UVSSA: variants seen among roughly 807,000 people sequenced by gnomAD.
The protein encoded by UVSSA is UV stimulated scaffold protein A, also known as UV-stimulated scaffold protein A.
UVSSA carries 72 observed loss-of-function variants against 73.9 expected under a neutral mutation model. That is an observed-to-expected ratio of 0.97 (90% confidence interval 0.81 to 1.19). The LOEUF is 1.19. Ranked by LOEUF, UVSSA falls within the 50% of genes most tolerant of loss-of-function variation. The pLI, the probability that UVSSA is intolerant of heterozygous loss-of-function variation, is 0.00. For synonymous variants in UVSSA, 454 were observed against 391.3 expected, an observed-to-expected ratio of 1.16 and a Z score of -1.89; for missense variants, 1,150 against 965.0, an observed-to-expected ratio of 1.19 and a Z score of -2.54.
At chr4:1,374,158 C>G (rs898056969) in intron 8 of UVSSA, among the ~76,000 whole-genome samples, 6 of 152,206 alleles carry the variant, frequency 3.9e-5, no homozygotes, top group Admixed American at 1.3e-4. Context: ...TCCCTGCGGT[C>G]CAGGTTCTTC....
intron 4 of UVSSA, among the ~76,000 whole-genome samples, chr4:1,352,185 C>T (rs891599924): frequency 6.6e-6 from 1 of 152,228 alleles, no homozygotes; most frequent in Non-Finnish European, 1.5e-5. Flanking sequence ...CTTGCCAGCC[C>T]CTTCCCCAAA....
chr4:1,380,574 TCCCA>T, intron 11 of UVSSA: 1 of 1,358,000 alleles, frequency 7.4e-7, no homozygotes, highest in Non-Finnish European at 9.8e-7. Context: ...CCAGGGCAGC[TCCCA>T]GCCGGGCAGC....
chr4:1,395,793 T>G, exon 14 of UVSSA: 1 of 1,614,252 alleles, frequency 6.2e-7, no homozygotes, highest in South Asian at 1.1e-5. Flanking sequence ...TGGTGGCTTT[T>G]TAATACGTTT....
At chr4:1,373,527 A>G (rs897019912) in intron 8 of UVSSA, among the ~76,000 whole-genome samples, 19 of 152,088 alleles carry the variant, frequency 1.2e-4, no homozygotes, top group Admixed American at 8.5e-4. Context: ...AATCCAATCA[A>G]GTTGATCCTC....
chr4:1,385,642 C>T (rs980850845), intron 13 of UVSSA: 35 of 575,848 alleles, frequency 6.1e-5, no homozygotes, highest in South Asian at 1.4e-4. Flanking sequence ...CCGCAGACTC[C>T]GCTTCTGGGA....
rs1172233657 is a variant in UVSSA at position 1,353,280 on chromosome 4, CG to C, written c.803del (p.Gly268AlafsTer47). On this transcript the variant is annotated frameshift_variant, in exon 5 of 14. Transcript: ENST00000389851. LOFTEE classifies it high-confidence loss of function. Reference protein sequence around the residue: ...PASAGHPRAGGGAQPSQTATG... With the variant: ...PASAGHPRAGXGAQPSQTATG... ...CCTCTGCAGGCCACCCCAGAGCGGG[CG>C]GCGGGGCACAGCCATCCCAGACAGC... 3 of 1,610,864 alleles carry C rather than the reference CG, an allele frequency of 1.9e-6. No individual in the cohort carries two copies. The highest frequency in any genetic ancestry group is 2.5e-6 in the Non-Finnish European group (3 of 1,179,818).
In UVSSA at chr4:1,376,121, C is replaced by T. The variant is rs370966636; in HGVS notation, c.1521C>T (p.Asp507=). 9.3e-6 allele frequency: 15 copies of T among 1,609,818 alleles called. No individual in the cohort carries two copies. The African/African-American group carries it at 1.9e-4, about 20-fold the overall frequency. Residue 507 remains aspartate, a synonymous_variant, in exon 10 of 14, where the codon GAC becomes GAT. Coordinates refer to ENST00000389851, the MANE Select transcript of UVSSA (RefSeq NM_020894.4). ...CGCCTGTGGTGCCCTACGGCGTGGA[C>T]CTGCACTACTGGGGCCAGGAGCTCC... ...ARAPVVPYGV[D]LHYWGQELPT... is the part of the protein sequence containing the mutation.
intron 2 of UVSSA, 57 bp from the exon 3 acceptor site, chr4:1,349,467 C>G: frequency 1.3e-6 from 2 of 1,543,596 alleles, no homozygotes; most frequent in South Asian, 2.3e-5. Flanking sequence ...CGGAGAGTCT[C>G]CCCCCGCCCA....
intron 11 of UVSSA, chr4:1,380,646 C>T: frequency 6.6e-7 from 1 of 1,525,464 alleles, no homozygotes. Flanking sequence ...CCTAGACTTT[C>T]CACAGCTGCC....
Position 1,395,291 on chromosome 4 carries a change from C to T in UVSSA, c.*9330C>T. On this transcript the variant is annotated 3_prime_UTR_variant, in exon 14 of 14. Transcript: ENST00000511216. ...TCACGTGCCGATGTGGAGTGCCCGC[C>T]TGCTCACACGTGCCCATGTGGAGTG... The T allele has an allele frequency of 2.2e-5, 35 of 1,559,034 alleles. 1 individual carries two copies. The highest frequency in any genetic ancestry group is 3.0e-5 in the Non-Finnish European group (35 of 1,154,096).
chr4:1,379,701 A>G (rs4974614), intron 10 of UVSSA, among the ~76,000 whole-genome samples: 112,753 of 150,444 alleles, frequency 0.75, 43,067 homozygotes, highest in African/African-American at 0.89. Context: ...CCCTTGTCCT[A>G]TAGGGAGAGC....
exon 14 of UVSSA, chr4:1,394,787 G>T: frequency 6.4e-7 from 1 of 1,561,488 alleles, no homozygotes. Flanking sequence ...GTGCCGATGT[G>T]GAGTGCCACC....
intron 8 of UVSSA, among the ~76,000 whole-genome samples, chr4:1,371,104 G>A (rs1043440416): frequency 6.6e-6 from 1 of 152,204 alleles, no homozygotes; most frequent in Non-Finnish European, 1.5e-5. Flanking sequence ...GAAAGCCTGT[G>A]GTGAGCACAT....
chr4:1,385,685 C>T (rs767341606), intron 13 of UVSSA, 183 bp from the exon 14 acceptor site: 13 of 628,938 alleles, frequency 2.1e-5, no homozygotes, highest in Non-Finnish European at 3.1e-5. Context: ...CTGTCTGTCT[C>T]GGGCCAGGGC....
intron 4 of UVSSA, among the ~76,000 whole-genome samples, 171 bp downstream of exon 4, chr4:1,352,006 A>G (rs1174953525): frequency 2.6e-5 from 4 of 152,336 alleles, no homozygotes; most frequent in Admixed American, 6.5e-5. Flanking sequence ...TAGGCCTCCC[A>G]GGCTGTCCAT....
At chr4:1,351,265 C>T (rs752775224) in intron 3 of UVSSA, among the ~76,000 whole-genome samples, 7 of 152,000 alleles carry the variant, frequency 4.6e-5, no homozygotes, top group Non-Finnish European at 1.0e-4. Flanking sequence ...GGGATTTCAC[C>T]GTGTTAGCCA....
intron 3 of UVSSA, among the ~76,000 whole-genome samples, chr4:1,350,922 T>C (rs1317081782): frequency 1.3e-5 from 2 of 152,216 alleles, no homozygotes; most frequent in Non-Finnish European, 2.9e-5. Context: ...GATGTTGTTT[T>C]TGAGACAGGG....
At position 1,348,175 on chromosome 4, in the gene UVSSA, G is replaced by C. The variant is rs1160264567; in HGVS notation, c.84G>C (p.Leu28=). Residue 28 remains leucine (L), a synonymous_variant, in exon 2 of 14, where the codon CTG becomes CTC. Transcript: ENST00000389851. ...PRLNPEKMKE[L]KKICKSSEEQ... ...TAAATCCTGAGAAAATGAAGGAACT[G>C]AAGAAAATTTGCAAGTATGTCTTAG... 6.2e-7 allele frequency: 1 copy of C among 1,613,696 alleles called. No individual in the cohort carries two copies. Among genetic ancestry groups the C allele is most frequent in the East Asian group, 2.2e-5 (1 of 44,884 alleles).
chr4:1,372,716 T>A (rs112635156), intron 8 of UVSSA, among the ~76,000 whole-genome samples: 3 of 142,032 alleles, frequency 2.1e-5, no homozygotes, highest in Admixed American at 1.4e-4. Flanking sequence ...AGAGCACTCA[T>A]CTCCTGCTAC....
Sources: gnomAD v4.1 joint callset for allele counts (sites outside exome capture counted in the v4.1 genomes callset) on GRCh38, gnomAD v4.1.1 for gene constraint, MANE v1.5 for transcripts, NCBI Gene and HGNC (gene_info 2026-07-23, HGNC 2026-07-21) for gene names.